HRH4: variants seen among roughly 807,000 people sequenced by gnomAD.
HRH4 encodes histamine receptor H4.
In HRH4, 12 loss-of-function variants were observed where a neutral mutation model predicts 10.4. The ratio of observed to expected loss-of-function variants is 1.15; its 90% CI spans 0.74 to 1.87. The LOEUF (loss-of-function observed/expected upper bound fraction) is 1.87. Among genes scored for constraint, HRH4 ranks in the 40% most tolerant of loss-of-function variants. The probability of loss-of-function intolerance (pLI) is 0.00; values close to 1 mark genes in which losing one functional copy is unlikely to be tolerated. For missense variants in HRH4, 415 were observed against 453.3 expected (o/e 0.92, Z 0.77); for synonymous variants, 154 against 166.6 (o/e 0.92, Z 0.58).
chr18:24,467,430 A>G (rs1909806028), intron 1 of HRH4, among the ~76,000 whole-genome samples: 1 of 152,238 alleles, frequency 6.6e-6, no homozygotes, highest in African/African-American at 2.4e-5. Context: ...AGGAAAGTGC[A>G]GAGGACAGAG....
At chr18:24,471,352 C>A (rs1223489970) in intron 2 of HRH4, among the ~76,000 whole-genome samples, 1 of 151,420 alleles carries the variant, frequency 6.6e-6, no homozygotes, top group Non-Finnish European at 1.5e-5. Flanking sequence ...CGCTTGTAAT[C>A]CCAGCACTTT....
intron 2 of HRH4, among the ~76,000 whole-genome samples, chr18:24,474,016 G>C (rs547102325): frequency 1.4e-3 from 218 of 152,262 alleles, no homozygotes; most frequent in African/African-American, 4.8e-3. Flanking sequence ...TTTCAAATAT[G>C]CTCCCCGGAG....
chr18:24,464,460 G>T (rs1046235671), intron 1 of HRH4, among the ~76,000 whole-genome samples: 5 of 152,118 alleles, frequency 3.3e-5, no homozygotes, highest in Non-Finnish European at 1.5e-5. Flanking sequence ...CACATGGGGG[G>T]TTAGAGCTCC....
At chr18:24,464,806 T>C (rs1909731544) in intron 1 of HRH4, among the ~76,000 whole-genome samples, 1 of 152,150 alleles carries the variant, frequency 6.6e-6, no homozygotes, top group Admixed American at 6.6e-5. Flanking sequence ...GCCCTCATGA[T>C]GCTTCTGTTT....
At chr18:24,471,606 CAAAAAAAAAAAAAA>C (rs60730879) in intron 2 of HRH4, among the ~76,000 whole-genome samples, 1 of 51,390 alleles carries the variant, frequency 1.9e-5, no homozygotes, top group Non-Finnish European at 3.1e-5. Flanking sequence ...GACTCCATCT[CAAAAAAAAAAAAAA>C]AAAAAAAAAA....
At position 24,479,668 on chromosome 18, in the gene HRH4, C is replaced by A. The variant is rs1434487982; in HGVS notation, c.*2106C>A. 1 of 152,196 alleles carries A rather than the reference C, an allele frequency of 6.6e-6. No individual in the cohort carries two copies. Among genetic ancestry groups the A allele is most frequent in the Non-Finnish European group, 1.5e-5 (1 of 68,028 alleles). The allele number at this position is 152,196 out of a possible 1,614,324, so 9.4% of individuals were successfully genotyped here. ...AAGTGTTCTCTGCCTGTCTTTGTCA[C>A]AAAATTTCATTTTTCTCATAGTTAA... On this transcript the variant is annotated 3_prime_UTR_variant, in exon 3 of 3. Transcript: ENST00000256906.
intron 2 of HRH4, 97 bp from the exon 3 acceptor site, chr18:24,476,650 T>C (rs1260591309): frequency 4.3e-6 from 4 of 929,070 alleles, no homozygotes; most frequent in Non-Finnish European, 6.7e-6. Context: ...AATGTCTCCA[T>C]CCTTTGCACA....
Position 24,479,053 on chromosome 18 carries a change from G to T in HRH4, c.*1491G>T, listed in dbSNP as rs1031071571. The T allele has an allele frequency of 6.6e-6, 1 of 152,212 alleles. No individual in the cohort carries two copies. The highest frequency in any genetic ancestry group is 1.5e-5 in the Non-Finnish European group (1 of 68,076). The allele number at this position is 152,212 out of a possible 1,614,324, so 9.4% of individuals were successfully genotyped here. A position where few individuals can be genotyped will look rare whatever the true frequency, so the allele number is the denominator to read the frequency against. ...GTGCCTAAGCCACCTGAGCAGCTGG[G>T]ATTACAGGTGCATGCCACCATGCCT... On this transcript the variant is annotated 3_prime_UTR_variant, in exon 3 of 3. Transcript: ENST00000256906.
chr18:24,470,218 A>G (rs930030862), intron 2 of HRH4, among the ~76,000 whole-genome samples: 2 of 152,146 alleles, frequency 1.3e-5, no homozygotes, highest in African/African-American at 4.8e-5. Context: ...CTCTTACATA[A>G]CAGTCCATGA....
At chr18:24,464,245 G>T (rs539756552) in intron 1 of HRH4, among the ~76,000 whole-genome samples, 81 of 152,254 alleles carry the variant, frequency 5.3e-4, no homozygotes, top group African/African-American at 1.9e-3. Context: ...GCCAATATTG[G>T]TTCCTGATGA....
intron 2 of HRH4, among the ~76,000 whole-genome samples, chr18:24,469,986 A>G (rs533120037): frequency 6.6e-6 from 1 of 152,262 alleles, no homozygotes; most frequent in East Asian, 1.9e-4. Flanking sequence ...TTTGACGAGC[A>G]TAGTCATCTA....
At chr18:24,474,696 AT>A (rs36039916) in intron 2 of HRH4, among the ~76,000 whole-genome samples, 13 of 146,592 alleles carry the variant, frequency 8.9e-5, no homozygotes, top group Admixed American at 2.0e-4. Flanking sequence ...AACCTTACTG[AT>A]TTTTTTTTTT....
At chr18:24,463,766 T>G (rs1411400398) in intron 1 of HRH4, among the ~76,000 whole-genome samples, 1 of 152,248 alleles carries the variant, frequency 6.6e-6, no homozygotes, top group Non-Finnish European at 1.5e-5. Context: ...TTTCTCAGGC[T>G]GAATTTACTG....
At chr18:24,475,301 G>A (rs1426080442) in intron 2 of HRH4, among the ~76,000 whole-genome samples, 4 of 126,494 alleles carry the variant, frequency 3.2e-5, no homozygotes, top group Non-Finnish European at 6.2e-5. Flanking sequence ...CTTTGACATT[G>A]TATTTGTCAG....
At chr18:24,466,147 CTG>C (rs1909768662) in intron 1 of HRH4, among the ~76,000 whole-genome samples, 1 of 151,874 alleles carries the variant, frequency 6.6e-6, no homozygotes, top group Non-Finnish European at 1.5e-5. Flanking sequence ...GGGTCTCACT[CTG>C]TTGCCCAGGC....
intron 1 of HRH4, among the ~76,000 whole-genome samples, chr18:24,464,789 A>G (rs1909731081): frequency 6.6e-6 from 1 of 152,106 alleles, no homozygotes. Flanking sequence ...TACACGTGAA[A>G]ATCCCTGCCC....
At chr18:24,472,339 C>A (rs1266388067) in intron 2 of HRH4, among the ~76,000 whole-genome samples, 2 of 152,212 alleles carry the variant, frequency 1.3e-5, no homozygotes, top group African/African-American at 2.4e-5. Flanking sequence ...AATCACCATG[C>A]CCGGCCTGTT....
Position 24,477,295 on chromosome 18 carries a change from C to G in HRH4, c.906C>G (p.Ala302=), listed in dbSNP as rs1185497850. 6.2e-7 allele frequency: 1 copy of G among 1,614,192 alleles called. No homozygotes were observed. The highest frequency in any genetic ancestry group is 1.1e-5 in the South Asian group (1 of 91,082). ...HVELLRARRL[A]KSLAILLGVF... The stretch of plus-strand genomic sequence containing the variant: ...AACTGCTTAGAGCCAGGAGATTAGC[C>G]AAGTCACTGGCCATTCTCTTAGGGG... The change falls in exon 3 of 3, where the codon GCC becomes GCG. Residue 302 remains alanine (A), a synonymous_variant. Transcript: ENST00000256906.
intron 2 of HRH4, among the ~76,000 whole-genome samples, chr18:24,476,047 T>C (rs982417697): frequency 1.3e-5 from 2 of 152,110 alleles, no homozygotes; most frequent in African/African-American, 4.8e-5. Flanking sequence ...AAAAGTCTTT[T>C]TGTCTGTGGT....
Sources: allele counts gnomAD v4.1 joint callset (sites outside exome capture counted in the v4.1 genomes callset), GRCh38; gene constraint gnomAD v4.1.1; transcripts MANE v1.5; gene names NCBI Gene and HGNC (gene_info 2026-07-23, HGNC 2026-07-21).